The following CLIC5 variants were observed in gnomAD, a reference collection of about 807,000 sequenced individuals.
CLIC5 encodes CLIC family member 5.
A neutral mutation model predicts 24.7 loss-of-function variants in CLIC5; 20 were observed. That is an observed-to-expected ratio of 0.81 (90% CI 0.57 to 1.18). The LOEUF (loss-of-function observed/expected upper bound fraction) is 1.18, where lower values mean the gene tolerates loss of function less well. Ranked by LOEUF, CLIC5 falls within the 50% of genes most tolerant of loss-of-function variation. The probability of loss-of-function intolerance (pLI) is 0.00; values close to 1 mark genes in which losing one functional copy is unlikely to be tolerated. For synonymous variants in CLIC5, 159 were observed against 135.6 expected (o/e 1.17, Z -1.20); for missense variants, 341 against 326.1 (o/e 1.05, Z -0.35).
upstream of CLIC5, among the ~76,000 whole-genome samples, chr6:46,082,441 C>G (rs537780384): frequency 6.6e-6 from 1 of 152,164 alleles, no homozygotes; most frequent in Non-Finnish European, 1.5e-5. Context: ...CAATGGCTCC[C>G]CATTTATCTT....
At chr6:46,053,573 C>A (rs1768163547) in intron 1 of CLIC5, among the ~76,000 whole-genome samples, 1 of 152,180 alleles carries the variant, frequency 6.6e-6, no homozygotes, top group Admixed American at 6.5e-5. Context: ...CCTTCCCTCC[C>A]ACCCAGTAAA....
intron 1 of CLIC5, among the ~76,000 whole-genome samples, chr6:45,972,099 T>A (rs2127404951): frequency 6.6e-6 from 1 of 152,314 alleles, no homozygotes; most frequent in African/African-American, 2.4e-5. Flanking sequence ...GAAACAAGGC[T>A]TAGAAACAAA....
chr6:46,026,110 C>A (rs1023134551), intron 1 of CLIC5, among the ~76,000 whole-genome samples: 1 of 152,088 alleles, frequency 6.6e-6, no homozygotes, highest in Non-Finnish European at 1.5e-5. Flanking sequence ...GCTCTTTGAG[C>A]AACATAAGAA....
At chr6:46,022,387 C>G (rs1210436420) in intron 1 of CLIC5, among the ~76,000 whole-genome samples, 1 of 152,188 alleles carries the variant, frequency 6.6e-6, no homozygotes, top group East Asian at 1.9e-4. Context: ...AAACAACTTA[C>G]ATTCTCTGCA....
At chr6:46,021,483 T>C (rs1767182200) in intron 1 of CLIC5, among the ~76,000 whole-genome samples, 1 of 152,224 alleles carries the variant, frequency 6.6e-6, no homozygotes, top group Non-Finnish European at 1.5e-5. Context: ...ACATAAATTT[T>C]TTTTTACAAA....
chr6:46,055,485 G>A (rs994196580), intron 1 of CLIC5, among the ~76,000 whole-genome samples: 6 of 152,032 alleles, frequency 3.9e-5, no homozygotes, highest in Admixed American at 6.6e-5. Flanking sequence ...TGATCTGCCC[G>A]CCTCGGCCTC....
intron 1 of CLIC5, among the ~76,000 whole-genome samples, chr6:45,962,205 T>C (rs1318674020): frequency 6.6e-6 from 1 of 150,484 alleles, no homozygotes; most frequent in African/African-American, 2.4e-5. Flanking sequence ...TATACACATA[T>C]ATATAATACA....
chr6:46,111,633 C>T, the CLIC5 span, among the ~76,000 whole-genome samples: 1 of 152,106 alleles, frequency 6.6e-6, no homozygotes, highest in South Asian at 2.1e-4. Context: ...CTTCCTTTTC[C>T]TCTCTATCTA....
chr6:45,935,042 T>A (rs920363364), intron 4 of CLIC5, among the ~76,000 whole-genome samples: 26 of 152,354 alleles, frequency 1.7e-4, no homozygotes, highest in Non-Finnish European at 3.2e-4. Context: ...TATAGCACTT[T>A]CTGCCTAGAT....
At chr6:45,912,093 T>C in intron 5 of CLIC5, 2 of 986,202 alleles carry the variant, frequency 2.0e-6, no homozygotes, top group Non-Finnish European at 2.4e-6. Flanking sequence ...GCTCATGTTC[T>C]GAATTTGCTC....
chr6:46,054,360 T>G (rs1427038601), intron 1 of CLIC5, among the ~76,000 whole-genome samples: 1 of 152,162 alleles, frequency 6.6e-6, no homozygotes, highest in Non-Finnish European at 1.5e-5. Context: ...AACCCTCAGA[T>G]TCTCCCTGCC....
chr6:46,003,619 T>C (rs115539023), intron 1 of CLIC5, among the ~76,000 whole-genome samples: 1,776 of 152,298 alleles, frequency 0.012, 33 homozygotes, highest in African/African-American at 0.041. Flanking sequence ...GTCACAGGGC[T>C]TTAAATTTCC....
chr6:45,983,108 G>A lies in CLIC5; in HGVS notation c.64-27864C>T, dbSNP rs545945170. Among the ~76,000 whole-genome samples, 92 of 152,286 alleles carry A rather than the reference G, an allele frequency of 6.0e-4. 3 individuals carry two copies. In the South Asian group the frequency reaches 0.018, roughly 29 times the overall value. On this transcript the variant is annotated intron_variant, in intron 1 of 5. Transcript: ENST00000339561. ...CAAAGGAGGTGGGCTTCCTTGTAAC[G>A]TACATTCAGTGAGAGATCATAATGC...
intron 2 of CLIC5, among the ~76,000 whole-genome samples, chr6:45,954,788 G>C (rs916793944): frequency 1.3e-5 from 2 of 152,204 alleles, no homozygotes; most frequent in Non-Finnish European, 2.9e-5. Context: ...TCCTGCTAGG[G>C]TCCCACGGAT....
intron 1 of CLIC5, among the ~76,000 whole-genome samples, chr6:45,976,610 A>ATT (rs1765393038): frequency 6.6e-6 from 1 of 152,252 alleles, no homozygotes; most frequent in African/African-American, 2.4e-5. Flanking sequence ...TACAATGCCC[A>ATT]TGCACAGACA....
chr6:45,945,677 C>A (rs933628837), intron 3 of CLIC5, among the ~76,000 whole-genome samples: 1 of 152,136 alleles, frequency 6.6e-6, no homozygotes, highest in Non-Finnish European at 1.5e-5. Context: ...TGGATTTGAA[C>A]CCGAGTCACT....
chr6:45,930,102 A>T (rs1439940825), intron 4 of CLIC5, among the ~76,000 whole-genome samples: 1 of 152,064 alleles, frequency 6.6e-6, no homozygotes, highest in Non-Finnish European at 1.5e-5. Context: ...ACATCCTGGG[A>T]ATCTGGAAAA....
intron 1 of CLIC5, among the ~76,000 whole-genome samples, chr6:46,052,999 A>G (rs1768146825): frequency 6.6e-6 from 1 of 152,204 alleles, no homozygotes; most frequent in Non-Finnish European, 1.5e-5. Context: ...ATTAAAAATT[A>G]AGAACATAAC....
chr6:45,935,376 C>A (rs941717993), intron 4 of CLIC5, among the ~76,000 whole-genome samples: 1 of 152,198 alleles, frequency 6.6e-6, no homozygotes, highest in African/African-American at 2.4e-5. Flanking sequence ...TTGCTGAACT[C>A]CACCATGTGC....
Sources: gnomAD v4.1 joint callset for allele counts (sites outside exome capture counted in the v4.1 genomes callset) on GRCh38, gnomAD v4.1.1 for gene constraint, MANE v1.5 for transcripts, NCBI Gene and HGNC (gene_info 2026-07-23, HGNC 2026-07-21) for gene names.